ZNF571: variants seen among roughly 807,000 people sequenced by gnomAD.
ZNF571 encodes the protein zinc finger protein 571.
ZNF571 carries 4 observed loss-of-function variants against 7.7 expected under a neutral mutation model. The observed-to-expected ratio is 0.52, with a 90% CI of 0.25 to 1.18. ZNF571 has a LOEUF of 1.18. Ranked by LOEUF, ZNF571 falls within the 50% of genes most tolerant of loss-of-function variation. The pLI, the probability that ZNF571 is intolerant of heterozygous loss-of-function variation, is 0.14. For synonymous variants in ZNF571, 251 were observed against 232.4 expected (o/e 1.08, Z -0.73); for missense variants, 704 against 726.9 (o/e 0.97, Z 0.36).
Position 37,569,238 on chromosome 19 carries a change from T to A in ZNF571, c.137-2947A>T, listed in dbSNP as rs2042973984. On this transcript the variant is annotated intron_variant, in intron 3 of 3. Transcript: ENST00000451802. This position sits in a 1 kb window ranked among gnomAD's most constrained non-coding sequence, Gnocchi z 4.4. Reference sequence around the variant, plus strand: ...ACAGCACTAGGATTACAGGCATGAGTCACTGCGCCTGGCCCCAAAGCATCC... The same window carrying A: ...ACAGCACTAGGATTACAGGCATGAGACACTGCGCCTGGCCCCAAAGCATCC... Among the ~76,000 whole-genome samples, 1 of 151,958 alleles carries A rather than the reference T, an allele frequency of 6.6e-6. No homozygotes were observed. Among genetic ancestry groups the A allele is most frequent in the Non-Finnish European group, 1.5e-5 (1 of 67,982 alleles).
chr19:37,564,290 T>G lies in ZNF571; in HGVS notation c.*308A>C, dbSNP rs1022452752. On this transcript the variant is annotated 3_prime_UTR_variant, in exon 4 of 4. Coordinates refer to ENST00000451802, the MANE Select transcript of ZNF571 (RefSeq NM_016536.5). ...GGAATTATATGTATTTAATTATAATTTAGTCATTGTAATACAATTACAGTA... is the reference window on the plus strand; with the variant it reads ...GGAATTATATGTATTTAATTATAATGTAGTCATTGTAATACAATTACAGTA... 1 of 214,136 alleles carries G rather than the reference T, an allele frequency of 4.7e-6. No homozygotes were observed. Among genetic ancestry groups the G allele is most frequent in the African/African-American group, 2.3e-5 (1 of 43,854 alleles). The allele number at this position is 214,136 out of a possible 1,614,324, so 13.3% of individuals were successfully genotyped here.
chr19:37,586,677 G>T lies in ZNF571; in HGVS notation c.-1C>A. On this transcript the variant is annotated 5_prime_UTR_variant, in exon 2 of 4. Transcript: ENST00000451802. ...AGAAACAGCAACTCACGTGGGGCAT[G>T]GTTTTTTAGAACTGATCAATTTTCT... 1.2e-6 allele frequency: 2 copies of T among 1,614,062 alleles called. No homozygotes were observed. The highest frequency in any genetic ancestry group is 8.5e-7 in the Non-Finnish European group (1 of 1,179,978).
At chr19:37,581,466 C>CTTTT (rs1226046583) in intron 3 of ZNF571, among the ~76,000 whole-genome samples, 18 of 138,702 alleles carry the variant, frequency 1.3e-4, no homozygotes, top group South Asian at 2.3e-4. Flanking sequence ...TTCTTTCTTT[C>CTTTT]TTTTTTTTTT....
chr19:37,584,129 T>A (rs1481345737), intron 2 of ZNF571, 32 bp from the exon 3 acceptor site: 1 of 1,613,288 alleles, frequency 6.2e-7, no homozygotes, highest in South Asian at 1.1e-5. Context: ...AGGATGATTC[T>A]ACAGGAATGA....
chr19:37,590,379 C>T (rs1439656623), intron 1 of ZNF571, among the ~76,000 whole-genome samples: 7 of 151,302 alleles, frequency 4.6e-5, no homozygotes, highest in Admixed American at 1.3e-4. Context: ...ATCTCGCCAC[C>T]GCACTCCAGC....
intron 3 of ZNF571, chr19:37,566,557 A>C (rs1035544949): frequency 2.5e-5 from 8 of 315,598 alleles, no homozygotes; most frequent in Admixed American, 4.5e-5. Context: ...GGAGGCTTAT[A>C]AAATAGTAAT....
At chr19:37,586,832 T>A in intron 1 of ZNF571, 87 bp from the exon 2 acceptor site, 1 of 763,576 alleles carries the variant, frequency 1.3e-6, no homozygotes, top group Non-Finnish European at 2.1e-6. Flanking sequence ...TTCTCCTCTT[T>A]TGGGAATTTG....
At chr19:37,574,083 G>A (rs867399880) in intron 3 of ZNF571, among the ~76,000 whole-genome samples, 37 of 151,872 alleles carry the variant, frequency 2.4e-4, no homozygotes, top group African/African-American at 9.0e-4. Flanking sequence ...TCCATTATTC[G>A]TACCCTGAAT....
chr19:37,570,206 T>C (rs2043004916), intron 3 of ZNF571, among the ~76,000 whole-genome samples: 1 of 152,224 alleles, frequency 6.6e-6, no homozygotes, highest in Admixed American at 6.5e-5. Context: ...CCTGGGTCCT[T>C]GGTCATCACT....
At chr19:37,567,146 T>C (rs1459809913) in intron 3 of ZNF571, among the ~76,000 whole-genome samples, 1 of 152,194 alleles carries the variant, frequency 6.6e-6, no homozygotes, top group Non-Finnish European at 1.5e-5. Flanking sequence ...ATCCAACACA[T>C]AATTGTACCT....
intron 1 of ZNF571, among the ~76,000 whole-genome samples, chr19:37,592,626 G>A (rs1202522757): frequency 6.6e-6 from 1 of 152,208 alleles, no homozygotes; most frequent in Non-Finnish European, 1.5e-5. Flanking sequence ...TGACATCACT[G>A]AAAGTGGGAC....
chr19:37,571,465 C>T (rs1234256148), intron 3 of ZNF571, among the ~76,000 whole-genome samples: 3 of 152,140 alleles, frequency 2.0e-5, no homozygotes, highest in African/African-American at 7.2e-5. Flanking sequence ...CACTGCACTC[C>T]AGCCTGGGTG....
intron 3 of ZNF571, among the ~76,000 whole-genome samples, chr19:37,577,007 AAC>A (rs1255012370): frequency 6.6e-5 from 10 of 152,182 alleles, no homozygotes; most frequent in African/African-American, 2.4e-4. Context: ...AAAGGTACTA[AAC>A]ACAAGTATTT....
Position 37,564,758 on chromosome 19 carries a change from G to A in ZNF571, c.1670C>T (p.Pro557Leu). 6.2e-7 allele frequency: 1 copy of A among 1,613,588 alleles called. No individual in the cohort carries two copies. The highest frequency in any genetic ancestry group is 8.5e-7 in the Non-Finnish European group (1 of 1,179,714). Reference sequence around the variant, plus strand: ...CCTCCCACATTCCTTACATTCATAGGGTTTCTCTCCAGTATGAGTTCTCAG... The same window carrying A: ...CCTCCCACATTCCTTACATTCATAGAGTTTCTCTCCAGTATGAGTTCTCAG... ...EHLRTHTGEK[P>L]YECKECGRAF... Residue 557 changes from proline to leucine, a missense_variant, in exon 4 of 4, where the codon CCC (proline) becomes CTC (leucine). Transcript: ENST00000451802.
chr19:37,583,508 G>C (rs2043549990), intron 3 of ZNF571: 1 of 153,512 alleles, frequency 6.5e-6, no homozygotes, highest in African/African-American at 2.4e-5. Context: ...CCTTTGAAGA[G>C]AGCTTCAGGC....
chr19:37,581,469 T>TC (rs199796071), intron 3 of ZNF571, among the ~76,000 whole-genome samples: 170 of 149,238 alleles, frequency 1.1e-3, no homozygotes, highest in African/African-American at 4.0e-3. Flanking sequence ...TTTCTTTCTT[T>TC]TTTTTTTTTT....
In ZNF571 at chr19:37,564,802, G is replaced by A; in HGVS notation, c.1626C>T (p.Gly542=). 6.2e-7 allele frequency: 1 copy of A among 1,613,818 alleles called. No individual in the cohort carries two copies. The highest frequency in any genetic ancestry group is 8.5e-7 in the Non-Finnish European group (1 of 1,179,880). Residue 542 remains glycine, a synonymous_variant, in exon 4 of 4, where the codon GGC becomes GGT. Transcript: ENST00000451802. ...TTCTCAGATGTTCAGTAAGGTGTGA[G>A]CCACGAATAAAAGCCTTCCCACACT... The part of the protein sequence containing the change: ...CKQCGKAFIR[G]SHLTEHLRTH...
At chr19:37,567,740 G>A (rs2042911019) in intron 3 of ZNF571, 1 of 152,042 alleles carries the variant, frequency 6.6e-6, no homozygotes, top group Non-Finnish European at 1.5e-5. Context: ...CTTTAATTAG[G>A]TCCATGCCAG....
At chr19:37,571,494 TCAAAAAAACAAAAACAAA>T (rs1485803005) in intron 3 of ZNF571, among the ~76,000 whole-genome samples, 1 of 151,844 alleles carries the variant, frequency 6.6e-6, no homozygotes, top group Non-Finnish European at 1.5e-5. Context: ...AGACTCCATC[TCAAAAAAACAAAAACAAA>T]CAAAAAAACA....
Sources: gnomAD v4.1 joint callset for allele counts (sites outside exome capture counted in the v4.1 genomes callset) on GRCh38, gnomAD v4.1.1 for gene constraint, Gnocchi (gnomAD v3.1) non-coding constraint, MANE v1.5 for transcripts, NCBI Gene and HGNC (gene_info 2026-07-23, HGNC 2026-07-21) for gene names.